The following PTPN9 variants were observed in gnomAD, a reference collection of about 807,000 sequenced individuals.
The protein encoded by PTPN9 is tyrosine-protein phosphatase non-receptor type 9.
PTPN9 carries 26 observed loss-of-function variants against 69.8 expected under a neutral mutation model. The observed-to-expected ratio is 0.37, with a 90% CI of 0.27 to 0.52. The LOEUF (loss-of-function observed/expected upper bound fraction) is 0.52. PTPN9 is among the 20% of genes least tolerant of loss of function. The pLI is 0.91. For missense variants in PTPN9, 549 were observed against 740.3 expected (o/e 0.74, Z 3.00); for synonymous variants, 274 against 272.5 (o/e 1.01, Z -0.05).
In PTPN9 at chr15:75,466,589, C is replaced by T. The variant is rs1004467070; in HGVS notation, c.*2180G>A. On this transcript the variant is annotated 3_prime_UTR_variant, in exon 13 of 13. Coordinates refer to ENST00000618819, the MANE Select transcript of PTPN9 (RefSeq NM_002833.4). Reference sequence around the variant, plus strand: ...GTCAGTCACCAACCCTGTCACCCTTCGCGTCTACTACATGAAGCATGGGCA... The same window carrying T: ...GTCAGTCACCAACCCTGTCACCCTTTGCGTCTACTACATGAAGCATGGGCA... 6.6e-6 allele frequency: 1 copy of T among 152,176 alleles called. No individual in the cohort carries two copies. The highest frequency in any genetic ancestry group is 2.4e-5 in the African/African-American group (1 of 41,432). 9.4% of individuals were successfully genotyped at this position (152,176 alleles called of 1,614,324 possible). A position where few individuals can be genotyped will look rare whatever the true frequency, so the allele number is the denominator to read the frequency against.
chr15:75,494,541 C>T (rs1039614416), intron 7 of PTPN9, among the ~76,000 whole-genome samples: 2 of 151,576 alleles, frequency 1.3e-5, no homozygotes, highest in Non-Finnish European at 2.9e-5. Flanking sequence ...TTAGCAGAGA[C>T]GGGGTTTCGC....
chr15:75,500,453 G>T (rs544303059), intron 7 of PTPN9, among the ~76,000 whole-genome samples: 1 of 151,900 alleles, frequency 6.6e-6, no homozygotes, highest in Admixed American at 6.6e-5. Context: ...GCACAGAATG[G>T]CTTGAACCCA....
chr15:75,518,089 A>G (rs2074880870), intron 4 of PTPN9, among the ~76,000 whole-genome samples: 1 of 152,228 alleles, frequency 6.6e-6, no homozygotes, highest in Admixed American at 6.5e-5. Context: ...AAAGTAGATT[A>G]AGGCTGACAT....
intron 5 of PTPN9, among the ~76,000 whole-genome samples, chr15:75,514,976 T>G (rs1475534028): frequency 6.6e-6 from 1 of 152,168 alleles, no homozygotes; most frequent in South Asian, 2.1e-4. Flanking sequence ...GAAACACAGT[T>G]TGACATTGTC....
At chr15:75,500,499 T>C (rs1007376062) in intron 7 of PTPN9, among the ~76,000 whole-genome samples, 11 of 152,004 alleles carry the variant, frequency 7.2e-5, no homozygotes, top group Admixed American at 2.0e-4. Flanking sequence ...AATCATACCA[T>C]TGCACTCCAG....
rs2141320208 is a variant in PTPN9, at chr15:75,523,138, T to C, written c.405A>G (p.Leu135=). ...HVVLQALFYL[L]DRAVDSFETQ... is the part of the protein sequence containing the mutation. ...ATGCTTACCTATCCACAGCTCTGTC[T>C]AGCAAGTAAAACAGAGCCTGAAGTA... The change falls in exon 4 of 13, where the codon CTA becomes CTG. Residue 135 remains leucine (L), a synonymous_variant. Coordinates refer to ENST00000618819, the MANE Select transcript of PTPN9 (RefSeq NM_002833.4). 8 of 1,614,118 alleles carry C rather than the reference T, an allele frequency of 5.0e-6. No individual in the cohort carries two copies. The highest frequency in any genetic ancestry group is 6.8e-6 in the Non-Finnish European group (8 of 1,179,992).
rs1230966268 is a variant in PTPN9, at chr15:75,465,533, G to C, written c.*3236C>G. ...CCTCCTTTAACACCTAACACAGGTAGGTTCACGCTGGTAAAAGCTACAAAC... is the reference window on the plus strand; with the variant it reads ...CCTCCTTTAACACCTAACACAGGTACGTTCACGCTGGTAAAAGCTACAAAC... On this transcript the variant is annotated 3_prime_UTR_variant, in exon 13 of 13. Transcript: ENST00000618819. 1 of 152,202 alleles carries C rather than the reference G, an allele frequency of 6.6e-6. No individual in the cohort carries two copies. Among genetic ancestry groups the C allele is most frequent in the Non-Finnish European group, 1.5e-5 (1 of 68,048 alleles). 9.4% of individuals were successfully genotyped at this position (152,202 alleles called of 1,614,324 possible). A position where few individuals can be genotyped will look rare whatever the true frequency, so the allele number is the denominator to read the frequency against.
Position 75,505,958 on chromosome 15 carries a change from C to G in PTPN9, c.685G>C (p.Glu229Gln), listed in dbSNP as rs754031967. The G allele has an allele frequency of 6.2e-7, 1 of 1,613,992 alleles. No homozygotes were observed. Among genetic ancestry groups the G allele is most frequent in the Admixed American group, 1.7e-5 (1 of 59,998 alleles). ...CCACCCAGGTTTTCTGGAAGACACT[C>G]CCTGGGCAGATGCTGCGTGACCTCA... is the stretch of plus-strand genomic sequence containing the variant. ...TSEVTQHLPR[E>Q]CLPENLGGYV... Residue 229 changes from glutamate to glutamine, a missense_variant, in exon 7 of 13, where the codon GAG becomes CAG. This residue lies in a region of PTPN9 where 457 missense variants were observed against 661.9 expected (regional missense o/e 0.69). Transcript: ENST00000618819.
chr15:75,493,204 T>C (rs566973308), intron 7 of PTPN9, among the ~76,000 whole-genome samples: 2 of 150,338 alleles, frequency 1.3e-5, no homozygotes, highest in South Asian at 2.1e-4. Context: ...TTCAAACACA[T>C]GGGGGCTACA....
At chr15:75,530,199 C>CAAAAAA (rs1171614508) in intron 1 of PTPN9, among the ~76,000 whole-genome samples, 5 of 28,110 alleles carry the variant, frequency 1.8e-4, no homozygotes, top group African/African-American at 2.7e-4. Context: ...GACTCCATCT[C>CAAAAAA]AAAAAAAAAA....
rs1032866383 is a variant in PTPN9, at chr15:75,510,795, C to T, written c.529-1768G>A. On this transcript the variant is annotated intron_variant, in intron 5 of 12. Coordinates refer to ENST00000618819, the MANE Select transcript of PTPN9 (RefSeq NM_002833.4). ...GCGTTAAGTATGTTCACAATGCAGC[C>T]ATCACCACTATTCATTTTCAGAACT... 4.6e-5 allele frequency among the ~76,000 whole-genome samples: 7 copies of T among 152,210 alleles called. No individual in the cohort carries two copies. The East Asian group carries it at 1.4e-3, about 29-fold the overall frequency.
chr15:75,575,208 C>CAAAAAAAAAAAAAAAAA lies in PTPN9; in HGVS notation c.63+3505_63+3506insTTTTTTTTTTTTTTTTT, dbSNP rs2075166543. On this transcript the variant is annotated intron_variant, in intron 1 of 12. Coordinates refer to ENST00000618819, the MANE Select transcript of PTPN9 (RefSeq NM_002833.4). ...CAGGATGGTCTCGATCTCCTGACCTCATGATCCGCCCGCCTCTGCCTCCCA... is the reference window on the plus strand; with the variant it reads ...CAGGATGGTCTCGATCTCCTGACCTCAAAAAAAAAAAAAAAAAATGATCCGCCCGCCTCTGCCTCCCA... Among the ~76,000 whole-genome samples, 6 of 34,492 alleles carry CAAAAAAAAAAAAAAAAA rather than the reference C, an allele frequency of 1.7e-4. 1 individual carries two copies. The highest frequency in any genetic ancestry group is 7.0e-4 in the African/African-American group (2 of 2,844). 22.6% of individuals were successfully genotyped at this position (34,492 alleles called of 152,430 possible). A position where few individuals can be genotyped will look rare whatever the true frequency, so the allele number is the denominator to read the frequency against.
chr15:75,579,247 C>G lies in PTPN9; in HGVS notation c.-471G>C, dbSNP rs2075189018. 1 of 152,190 alleles carries G rather than the reference C, an allele frequency of 6.6e-6. No individual in the cohort carries two copies. The highest frequency in any genetic ancestry group is 2.1e-4 in the South Asian group (1 of 4,834). 9.4% of individuals were successfully genotyped at this position (152,190 alleles called of 1,614,324 possible). On this transcript the variant is annotated 5_prime_UTR_variant, in exon 1 of 13. Coordinates refer to ENST00000618819, the MANE Select transcript of PTPN9 (RefSeq NM_002833.4). ...GGGCCGCCCAGCCGGGCCGTCCTCG[C>G]GGACGCTGGCCCTGCGACCTGCGCG...
At chr15:75,559,829 G>C (rs567062151) in intron 1 of PTPN9, among the ~76,000 whole-genome samples, 54 of 149,676 alleles carry the variant, frequency 3.6e-4, no homozygotes, top group Non-Finnish European at 7.4e-4. Context: ...AGAAAAAAAT[G>C]AATATTTTTT....
intron 7 of PTPN9, among the ~76,000 whole-genome samples, chr15:75,504,183 T>C (rs1484854660): frequency 1.3e-5 from 1 of 79,054 alleles, no homozygotes; most frequent in Non-Finnish European, 2.4e-5. Flanking sequence ...GGTGGGGGGG[T>C]CAGCCCCATG....
chr15:75,471,170 G>A (rs1408080325), intron 10 of PTPN9, among the ~76,000 whole-genome samples: 1 of 152,138 alleles, frequency 6.6e-6, no homozygotes, highest in African/African-American at 2.4e-5. Context: ...GTATAGTGGT[G>A]CATGCCTGTA....
intron 7 of PTPN9, among the ~76,000 whole-genome samples, chr15:75,501,487 C>T (rs1210190093): frequency 7.8e-6 from 1 of 128,056 alleles, no homozygotes; most frequent in Non-Finnish European, 1.6e-5. Context: ...TTTCCTTAGA[C>T]AAAGTCTTAC....
chr15:75,565,592 T>TG (rs1436577459), intron 1 of PTPN9, among the ~76,000 whole-genome samples: 1 of 152,138 alleles, frequency 6.6e-6, no homozygotes, highest in Non-Finnish European at 1.5e-5. Flanking sequence ...ACAAATGTTC[T>TG]GGGGGGAGGA....
intron 5 of PTPN9, among the ~76,000 whole-genome samples, chr15:75,510,104 A>T (rs542481565): frequency 1.3e-5 from 2 of 152,296 alleles, no homozygotes; most frequent in Admixed American, 6.5e-5. Context: ...CTATGTATTT[A>T]CCAATCAATA....
Sources: gnomAD v4.1 joint callset for allele counts (sites outside exome capture counted in the v4.1 genomes callset) on GRCh38, gnomAD v4.1.1 for gene constraint, gnomAD v4.1.1 regional missense constraint, MANE v1.5 for transcripts, NCBI Gene and HGNC (gene_info 2026-07-23, HGNC 2026-07-21) for gene names.